FBXL4: variants seen among roughly 807,000 people sequenced by gnomAD.
FBXL4 encodes F-box and leucine rich repeat protein 4.
In FBXL4, 40 loss-of-function variants were observed where a neutral mutation model predicts 58.9. The observed-to-expected ratio is 0.68, with a 90% CI of 0.53 to 0.88. The LOEUF (loss-of-function observed/expected upper bound fraction) is 0.88. Among genes scored for constraint, FBXL4 ranks in the 40% least tolerant of loss-of-function variants. FBXL4 has a pLI of 0.00. For missense variants in FBXL4, 676 were observed against 734.4 expected (o/e 0.92, Z 0.92); for synonymous variants, 263 against 265.5 (o/e 0.99, Z 0.09).
intron 6 of FBXL4, among the ~76,000 whole-genome samples, chr6:98,900,483 T>C (rs941580621): frequency 3.3e-5 from 5 of 152,208 alleles, no homozygotes; most frequent in African/African-American, 9.7e-5. Flanking sequence ...GGTTAAAAGA[T>C]GGAGTTTTTT....
At chr6:98,892,048 T>C (rs1417496218) in intron 7 of FBXL4, among the ~76,000 whole-genome samples, 1 of 152,110 alleles carries the variant, frequency 6.6e-6, no homozygotes, top group East Asian at 1.9e-4. Flanking sequence ...CTATTCCCAT[T>C]GAAAGTTCTA....
chr6:98,918,065 C>T (rs1307651444), intron 4 of FBXL4, among the ~76,000 whole-genome samples: 2 of 152,194 alleles, frequency 1.3e-5, no homozygotes, highest in Non-Finnish European at 2.9e-5. Flanking sequence ...TCCCTGTGTG[C>T]ATGGCTTAAA....
intron 7 of FBXL4, 71 bp from the exon 8 acceptor site, chr6:98,880,695 T>C (rs1770822479): frequency 7.7e-7 from 1 of 1,303,318 alleles, no homozygotes; most frequent in Admixed American, 1.7e-5. Flanking sequence ...AAGAGGTCAA[T>C]TAGACATTAA....
At chr6:98,941,824 A>T (rs1474094673) in intron 1 of FBXL4, among the ~76,000 whole-genome samples, 1 of 152,236 alleles carries the variant, frequency 6.6e-6, no homozygotes, top group Non-Finnish European at 1.5e-5. Flanking sequence ...AGCAAATGGC[A>T]TTCAGGAAAA....
At chr6:98,877,934 T>A (rs985250400) in intron 8 of FBXL4, among the ~76,000 whole-genome samples, 1 of 152,236 alleles carries the variant, frequency 6.6e-6, no homozygotes, top group Admixed American at 6.5e-5. Context: ...CCTAAAAACA[T>A]GTTTACGGCA....
chr6:98,905,747 T>A, intron 5 of FBXL4, 77 bp from the exon 6 acceptor site: 1 of 1,411,826 alleles, frequency 7.1e-7, no homozygotes, highest in Non-Finnish European at 9.7e-7. Flanking sequence ...CATAATCTAA[T>A]AAGGAATAAA....
chr6:98,883,550 GTCTT>G (rs1043438186), intron 7 of FBXL4, among the ~76,000 whole-genome samples: 1 of 151,666 alleles, frequency 6.6e-6, no homozygotes, highest in Non-Finnish European at 1.5e-5. Flanking sequence ...GAGTTTTAGA[GTCTT>G]TCTTTTTTGC....
intron 8 of FBXL4, among the ~76,000 whole-genome samples, chr6:98,878,785 G>A (rs1322406782): frequency 6.6e-6 from 1 of 152,030 alleles, no homozygotes; most frequent in Non-Finnish European, 1.5e-5. Flanking sequence ...TCTAAAGAGA[G>A]CAGGCTAGCA....
intron 5 of FBXL4, among the ~76,000 whole-genome samples, chr6:98,907,486 G>C (rs1051289478): frequency 3.3e-5 from 5 of 152,108 alleles, no homozygotes; most frequent in Non-Finnish European, 5.9e-5. Context: ...TATTAAGAAG[G>C]CAGAATTCAA....
At chr6:98,918,209 G>C (rs966483465) in intron 4 of FBXL4, among the ~76,000 whole-genome samples, 1 of 151,744 alleles carries the variant, frequency 6.6e-6, no homozygotes, top group Non-Finnish European at 1.5e-5. Flanking sequence ...TCAAATCATT[G>C]TTTCATCAAA....
At chr6:98,918,084 G>A (rs1372809945) in intron 4 of FBXL4, among the ~76,000 whole-genome samples, 3 of 152,040 alleles carry the variant, frequency 2.0e-5, no homozygotes, top group African/African-American at 7.2e-5. Context: ...AACCAACTGC[G>A]GAAACTAAAC....
At chr6:98,939,789 A>G (rs960411739) in intron 1 of FBXL4, among the ~76,000 whole-genome samples, 1 of 152,272 alleles carries the variant, frequency 6.6e-6, no homozygotes, top group African/African-American at 2.4e-5. Context: ...TATTACACTA[A>G]GCATGATGAA....
Position 98,884,023 on chromosome 6 carries a change from A to AT in FBXL4, c.1318-3400dup, listed in dbSNP as rs895941427. 4.6e-5 allele frequency among the ~76,000 whole-genome samples: 7 copies of AT among 151,094 alleles called. No homozygotes were observed. The South Asian group carries it at 6.3e-4, about 14-fold the overall frequency. On this transcript the variant is annotated intron_variant, in intron 7 of 9. Transcript: ENST00000369244. Reference sequence around the variant, plus strand: ...GCATTTTATCAATTTCTGTGTCATAATTTTTTTTTATATCTGATACTTCCT... The same window carrying AT: ...GCATTTTATCAATTTCTGTGTCATAATTTTTTTTTTATATCTGATACTTCCT...
intron 5 of FBXL4, among the ~76,000 whole-genome samples, chr6:98,915,482 A>T (rs1162793217): frequency 6.6e-6 from 1 of 151,644 alleles, no homozygotes; most frequent in Non-Finnish European, 1.5e-5. Flanking sequence ...ATATAGATCA[A>T]TGGAACAGAA....
rs1037161032 is a variant in FBXL4 at position 98,906,506 on chromosome 6, C to A, written c.859-836G>T. ...TCCCTGCAAAGGACATGAACTCATCCTTTTTTATGGCTGCATAGTATTCCA... is the reference window on the plus strand; with the variant it reads ...TCCCTGCAAAGGACATGAACTCATCATTTTTTATGGCTGCATAGTATTCCA... On this transcript the variant is annotated intron_variant, in intron 5 of 9. Transcript: ENST00000369244. Among the ~76,000 whole-genome samples, 3 of 152,192 alleles carry A rather than the reference C, an allele frequency of 2.0e-5. No homozygotes were observed. The East Asian group carries it at 5.8e-4, about 29-fold the overall frequency.
intron 7 of FBXL4, among the ~76,000 whole-genome samples, chr6:98,881,989 C>T (rs113381402): frequency 4.6e-5 from 7 of 151,386 alleles, no homozygotes; most frequent in African/African-American, 1.7e-4. Context: ...ATAAGATTTT[C>T]CCTTAAGTAA....
intron 1 of FBXL4, among the ~76,000 whole-genome samples, chr6:98,939,955 A>G (rs1014554284): frequency 6.6e-6 from 1 of 152,254 alleles, no homozygotes; most frequent in African/African-American, 2.4e-5. Flanking sequence ...GTGATCATCA[A>G]ATTATTACAG....
chr6:98,907,842 G>A (rs892529065), intron 5 of FBXL4, among the ~76,000 whole-genome samples: 1 of 152,014 alleles, frequency 6.6e-6, no homozygotes, highest in Non-Finnish European at 1.5e-5. Flanking sequence ...ACAACAACAT[G>A]ATCTTTAAAA....
intron 1 of FBXL4, among the ~76,000 whole-genome samples, chr6:98,946,539 G>T (rs1773624903): frequency 6.6e-5 from 10 of 152,148 alleles, no homozygotes; most frequent in Admixed American, 6.6e-4. Flanking sequence ...GACCATATGT[G>T]CAAGTACCAT....
Sources: allele counts gnomAD v4.1 joint callset (sites outside exome capture counted in the v4.1 genomes callset), GRCh38; gene constraint gnomAD v4.1.1; transcripts MANE v1.5; gene names NCBI Gene and HGNC (gene_info 2026-07-23, HGNC 2026-07-21).